The following ITGA2 variants were observed in gnomAD, a reference collection of about 807,000 sequenced individuals.
The protein encoded by ITGA2 is integrin subunit alpha 2, also known as integrin alpha-2.
ITGA2 carries 101 observed loss-of-function variants against 146.3 expected under a neutral mutation model. The ratio of observed to expected loss-of-function variants is 0.69; its 90% CI spans 0.59 to 0.81. ITGA2 has a LOEUF of 0.81. ITGA2 is among the 40% of genes least tolerant of loss of function. ITGA2 has a pLI of 0.00. For synonymous variants in ITGA2, 477 were observed against 487.1 expected, an observed-to-expected ratio of 0.98 and a Z score of 0.27; for missense variants, 1,281 against 1,402.7, an observed-to-expected ratio of 0.91 and a Z score of 1.39.
chr5:53,029,024 CA>C, intron 2 of ITGA2, among the ~76,000 whole-genome samples: 1 of 152,158 alleles, frequency 6.6e-6, no homozygotes, highest in Non-Finnish European at 1.5e-5. Context: ...GTAATTCCAG[CA>C]CTTTGGGAGG....
intron 1 of ITGA2, among the ~76,000 whole-genome samples, chr5:53,010,559 T>C (rs1742072955): frequency 6.6e-6 from 1 of 152,176 alleles, no homozygotes; most frequent in Admixed American, 6.5e-5. Flanking sequence ...CCAGGACAGA[T>C]CATGCCTGGC....
intron 2 of ITGA2, among the ~76,000 whole-genome samples, chr5:53,030,537 T>C (rs1376910653): frequency 1.3e-5 from 2 of 152,100 alleles, no homozygotes; most frequent in Admixed American, 1.3e-4. Context: ...CTGAACCATA[T>C]GGAATTCAGA....
At position 53,060,975 on chromosome 5, in the gene ITGA2, G is replaced by T. The variant is rs147838012; in HGVS notation, c.1387G>T (p.Gly463Cys). Residue 463 changes from glycine (G) to cysteine (C), a missense_variant, in exon 12 of 30, where the codon GGC (glycine) becomes TGC (cysteine). Gly to Cys is a radical substitution (Grantham distance 159). This residue lies in a region of ITGA2 where 795 missense variants were observed against 841.7 expected (regional missense o/e 0.94). Transcript: ENST00000296585. The part of the protein sequence containing the change: ...VAGAPRANYT[G>C]QIVLYSVNEN... ...TGGTGCTCCTCGGGCAAATTATACC[G>T]GCCAGATAGTGCTATATAGTGTGAA... 6.2e-7 allele frequency: 1 copy of T among 1,612,340 alleles called. No homozygotes were observed. Among genetic ancestry groups the T allele is most frequent in the Middle Eastern group, 1.7e-4 (1 of 6,054 alleles).
At chr5:53,089,116 C>G (rs1740283756) in intron 28 of ITGA2, 1 of 152,086 alleles carries the variant, frequency 6.6e-6, no homozygotes, top group Non-Finnish European at 1.5e-5. Context: ...AGGCCAGTTG[C>G]AAGTTTAGCC....
At chr5:53,029,335 T>C (rs1743113682) in intron 2 of ITGA2, among the ~76,000 whole-genome samples, 2 of 152,300 alleles carry the variant, frequency 1.3e-5, no homozygotes, top group Admixed American at 6.5e-5. Flanking sequence ...TGCTCTGCGA[T>C]TGGGTGTCAG....
At position 53,081,636 on chromosome 5, in the gene ITGA2, A is replaced by G. The variant is rs1406009169; in HGVS notation, c.3084A>G (p.Ile1028Met). ...SCNADINPLK[I>M]GQTSSSVSFK... ...ATGCAGATATCAATCCACTGAAAAT[A>G]GGACAAACATCTTCTTCTGTATCTT... is the stretch of plus-strand genomic sequence containing the variant. Residue 1028 changes from isoleucine (I) to methionine (M), a missense_variant, in exon 26 of 30, where the codon ATA (isoleucine) becomes ATG (methionine). Coordinates refer to ENST00000296585, the MANE Select transcript of ITGA2 (RefSeq NM_002203.4). The G allele has an allele frequency of 1.2e-6, 2 of 1,613,322 alleles. No homozygotes were observed. The highest frequency in any genetic ancestry group is 4.5e-5 in the East Asian group (2 of 44,778).
intron 24 of ITGA2, among the ~76,000 whole-genome samples, chr5:53,080,268 A>G (rs1294950876): frequency 1.3e-5 from 2 of 152,132 alleles, no homozygotes; most frequent in Admixed American, 6.6e-5. Flanking sequence ...CTTATATCCT[A>G]CTGCTCAAGG....
At chr5:53,047,763 C>T (rs574022684) in intron 4 of ITGA2, among the ~76,000 whole-genome samples, 21 of 152,120 alleles carry the variant, frequency 1.4e-4, no homozygotes, top group Non-Finnish European at 3.1e-4. Flanking sequence ...CCTCTTCAAG[C>T]GTTACTGCCA....
At position 53,053,493 on chromosome 5, in the gene ITGA2, C is replaced by A. The variant is rs567721380; in HGVS notation, c.779+1934C>A. 6.6e-5 allele frequency among the ~76,000 whole-genome samples: 10 copies of A among 152,180 alleles called. 1 individual carries two copies. In the East Asian group the frequency reaches 9.7e-4, roughly 15 times the overall value. ...CCTGGAGTTAGAAACTGCAACGGCC[C>A]GGTTTTCAGCAGGGAAGGTGGGAGT... On this transcript the variant is annotated intron_variant, in intron 7 of 29. Transcript: ENST00000296585.
chr5:53,006,338 A>G (rs758115025), intron 1 of ITGA2, among the ~76,000 whole-genome samples: 4 of 152,208 alleles, frequency 2.6e-5, no homozygotes, highest in Non-Finnish European at 4.4e-5. Flanking sequence ...GGGTTCTCCT[A>G]TAGCTAGATT....
intron 6 of ITGA2, 52 bp downstream of exon 6, chr5:53,048,822 A>G: frequency 1.3e-6 from 2 of 1,591,740 alleles, no homozygotes; most frequent in Non-Finnish European, 1.7e-6. Flanking sequence ...TCTGAAAAAA[A>G]TATTGTTAGC....
At chr5:53,019,201 T>C (rs913599630) in intron 1 of ITGA2, among the ~76,000 whole-genome samples, 1 of 152,204 alleles carries the variant, frequency 6.6e-6, no homozygotes, top group Non-Finnish European at 1.5e-5. Context: ...CAATGATTTA[T>C]TGAACCACAA....
chr5:53,067,024 C>T, intron 15 of ITGA2, 94 bp from the exon 16 acceptor site: 1 of 1,299,678 alleles, frequency 7.7e-7, no homozygotes, highest in Non-Finnish European at 1.1e-6. Context: ...GAGAAAAATT[C>T]AGTAATGCTG....
chr5:53,064,785 T>G, intron 13 of ITGA2, 127 bp from the exon 14 acceptor site: 1 of 846,116 alleles, frequency 1.2e-6, no homozygotes, highest in Non-Finnish European at 2.0e-6. Context: ...CTTCAAGTAG[T>G]CCTTCTGCCT....
Position 53,063,441 on chromosome 5 carries a change from T to A in ITGA2, c.1602+512T>A, listed in dbSNP as rs371381215. Among the ~76,000 whole-genome samples, 19 of 152,018 alleles carry A rather than the reference T, an allele frequency of 1.2e-4. 1 individual carries two copies. In the East Asian group the frequency reaches 2.9e-3, roughly 23 times the overall value. ...AACATTTAGGCATGTATCCAACTCT[T>A]GAAGTTTCAAGTCCTTCCACAAAAA... On this transcript the variant is annotated intron_variant, in intron 13 of 29. Coordinates refer to ENST00000296585, the MANE Select transcript of ITGA2 (RefSeq NM_002203.4).
chr5:53,085,832 C>T (rs1193833406), intron 27 of ITGA2, among the ~76,000 whole-genome samples: 17 of 152,140 alleles, frequency 1.1e-4, no homozygotes, highest in Admixed American at 1.0e-3. Context: ...CGCTGCATTC[C>T]GCTTCACAGT....
rs752099823 is a variant in ITGA2, at chr5:53,070,170, G to T, written c.2145G>T (p.Gly715=). Residue 715 remains glycine (G), a synonymous_variant, in exon 17 of 30, where the codon GGG becomes GGT. Transcript: ENST00000296585. The part of the protein sequence containing the change: ...DGFSSRVTSR[G]LFKENNERCL... ...TTTCATCCAGAGTAACCTCCAGGGG[G>T]TTATTTAAAGAAAACAATGAAAGGT... 2.5e-6 allele frequency: 4 copies of T among 1,611,712 alleles called. No individual in the cohort carries two copies. Among genetic ancestry groups the T allele is most frequent in the Admixed American group, 3.3e-5 (2 of 59,804 alleles).
intron 1 of ITGA2, among the ~76,000 whole-genome samples, chr5:53,018,018 C>T (rs1742481065): frequency 6.6e-6 from 1 of 152,032 alleles, no homozygotes; most frequent in South Asian, 2.1e-4. Flanking sequence ...AGTGCAGGAG[C>T]TCTGATGAGG....
At position 53,065,982 on chromosome 5, in the gene ITGA2, G is replaced by T; in HGVS notation, c.1943+5G>T. Reference sequence around the variant, plus strand: ...TGGACAAGTGGTTCAACTCTGGTGAGTCAGGAAGAGCCAGACACAAACTAA... The same window carrying T: ...TGGACAAGTGGTTCAACTCTGGTGATTCAGGAAGAGCCAGACACAAACTAA... On this transcript the variant is annotated splice_donor_5th_base_variant and intron_variant, in intron 15 of 29. Transcript: ENST00000296585. 1 of 1,611,624 alleles carries T rather than the reference G, an allele frequency of 6.2e-7. No homozygotes were observed. The highest frequency in any genetic ancestry group is 8.5e-7 in the Non-Finnish European group (1 of 1,178,366).
Sources: gnomAD v4.1 joint callset for allele counts (sites outside exome capture counted in the v4.1 genomes callset) on GRCh38, gnomAD v4.1.1 for gene constraint, gnomAD v4.1.1 regional missense constraint, MANE v1.5 for transcripts, NCBI Gene and HGNC (gene_info 2026-07-23, HGNC 2026-07-21) for gene names.